FBXO11: variants seen among roughly 807,000 people sequenced by gnomAD.
FBXO11 encodes the protein F-box protein 11.
In FBXO11, 13 loss-of-function variants were observed where a neutral mutation model predicts 117.0. The observed-to-expected ratio is 0.11, with a 90% CI of 0.07 to 0.18. FBXO11 has a LOEUF of 0.18. Ranked by LOEUF, FBXO11 falls within the 10% of genes least tolerant of loss-of-function variation. The pLI is 1.00. For missense variants in FBXO11, 767 were observed against 1,164.4 expected (o/e 0.66, Z 4.97); for synonymous variants, 490 against 380.5 (o/e 1.29, Z -3.35).
At chr2:47,905,229 G>T in intron 1 of FBXO11, 1 of 243,096 alleles carries the variant, frequency 4.1e-6, no homozygotes, top group Non-Finnish European at 7.8e-6. Context: ...GGGTGGGGGT[G>T]GAGGGTGCTG....
At chr2:47,810,133 C>G (rs980500507) in intron 19 of FBXO11, 183 bp downstream of exon 19, 6 of 538,136 alleles carry the variant, frequency 1.1e-5, no homozygotes, top group African/African-American at 9.7e-5. Context: ...TCTTAGGAGT[C>G]TGGCTTAGAG....
intron 1 of FBXO11, among the ~76,000 whole-genome samples, chr2:47,887,238 T>C (rs554237618): frequency 1.1e-4 from 16 of 150,458 alleles, no homozygotes; most frequent in African/African-American, 2.0e-4. Context: ...TGAGCTGAGA[T>C]TGTGCCATCG....
chr2:47,861,018 G>C (rs1023530102), intron 1 of FBXO11, among the ~76,000 whole-genome samples: 1 of 151,652 alleles, frequency 6.6e-6, no homozygotes, highest in Non-Finnish European at 1.5e-5. Flanking sequence ...GTCCAGCTAA[G>C]TTTGTATTTT....
In FBXO11 at chr2:47,807,732, A is replaced by G. The variant is rs1359490730; in HGVS notation, c.*386T>C. On this transcript the variant is annotated 3_prime_UTR_variant, in exon 23 of 23. Transcript: ENST00000403359. ...ACATTTTTACCATATTACAAAAGCAATTGGTACCCATGTCCATAAAGGCAG... is the reference window on the plus strand; with the variant it reads ...ACATTTTTACCATATTACAAAAGCAGTTGGTACCCATGTCCATAAAGGCAG... The G allele has an allele frequency of 1.3e-5, 3 of 238,612 alleles. No individual in the cohort carries two copies. The highest frequency in any genetic ancestry group is 2.5e-5 in the Non-Finnish European group (3 of 120,760). The allele number at this position is 238,612 out of a possible 1,614,324, so 14.8% of individuals were successfully genotyped here.
chr2:47,864,827 C>A (rs1296893781), intron 1 of FBXO11, among the ~76,000 whole-genome samples: 1 of 152,152 alleles, frequency 6.6e-6, no homozygotes, highest in Non-Finnish European at 1.5e-5. Flanking sequence ...AAATTTACTT[C>A]TACTAAATGA....
chr2:47,898,794 C>T (rs928139185), intron 1 of FBXO11, among the ~76,000 whole-genome samples: 15 of 152,242 alleles, frequency 9.9e-5, no homozygotes, highest in African/African-American at 3.4e-4. Flanking sequence ...GTTATTGCAT[C>T]CCCTGAAAGT....
At chr2:47,889,085 T>C (rs888477927) in intron 1 of FBXO11, among the ~76,000 whole-genome samples, 1 of 152,212 alleles carries the variant, frequency 6.6e-6, no homozygotes, top group Non-Finnish European at 1.5e-5. Flanking sequence ...AGTACTTTTT[T>C]TTATAAGTTA....
At chr2:47,809,754 T>G (rs760880929) in intron 19 of FBXO11, 47 bp from the exon 20 acceptor site, 118 of 1,279,080 alleles carry the variant, frequency 9.2e-5, no homozygotes, top group Non-Finnish European at 1.2e-4. Context: ...TTATACTGCT[T>G]CTTAAAAACC....
chr2:47,834,124 C>G (rs1672379734), intron 7 of FBXO11, among the ~76,000 whole-genome samples: 1 of 152,162 alleles, frequency 6.6e-6, no homozygotes, highest in East Asian at 1.9e-4. Flanking sequence ...CCGAGATGGG[C>G]AAATCACTTG....
intron 11 of FBXO11, among the ~76,000 whole-genome samples, chr2:47,828,136 T>G (rs911573934): frequency 6.6e-6 from 1 of 152,154 alleles, no homozygotes; most frequent in South Asian, 2.1e-4. Flanking sequence ...TGTGCCACCA[T>G]GCCCAGCTAA....
intron 1 of FBXO11, among the ~76,000 whole-genome samples, chr2:47,856,267 C>T (rs1478426994): frequency 6.6e-6 from 1 of 152,140 alleles, no homozygotes; most frequent in African/African-American, 2.4e-5. Flanking sequence ...TCCAGACACA[C>T]AGAGACTTAT....
intron 11 of FBXO11, among the ~76,000 whole-genome samples, chr2:47,829,829 T>C (rs1039474882): frequency 4.6e-5 from 7 of 152,132 alleles, no homozygotes; most frequent in African/African-American, 1.7e-4. Flanking sequence ...GTATGAGGTA[T>C]ACATTAAACA....
At chr2:47,905,380 A>G in intron 1 of FBXO11, 109 bp downstream of exon 1, 1 of 1,043,578 alleles carries the variant, frequency 9.6e-7, no homozygotes, top group Non-Finnish European at 1.2e-6. Context: ...TGGGTCTCCC[A>G]CCCCCAGGGC....
At chr2:47,852,060 TG>T (rs1572846296) in intron 1 of FBXO11, among the ~76,000 whole-genome samples, 1 of 151,844 alleles carries the variant, frequency 6.6e-6, no homozygotes, top group East Asian at 1.9e-4. Context: ...GGCACTATCT[TG>T]GCTCACTGCA....
chr2:47,889,306 T>C (rs916694556), intron 1 of FBXO11, among the ~76,000 whole-genome samples: 19 of 152,330 alleles, frequency 1.2e-4, no homozygotes, highest in Non-Finnish European at 1.6e-4. Context: ...TAGAACCATG[T>C]AGACTATTCC....
intron 1 of FBXO11, among the ~76,000 whole-genome samples, chr2:47,891,031 T>C (rs1179289507): frequency 6.6e-6 from 1 of 151,534 alleles, no homozygotes; most frequent in Non-Finnish European, 1.5e-5. Context: ...CCTATGTTGC[T>C]CAGACTAGTA....
At position 47,834,586 on chromosome 2, in the gene FBXO11, A is replaced by C. The variant is rs768503751; in HGVS notation, c.927T>G (p.Ile309Met). Residue 309 changes from isoleucine to methionine, a missense_variant, in exon 7 of 23, where the codon ATT becomes ATG. Coordinates refer to ENST00000403359, the MANE Select transcript of FBXO11 (RefSeq NM_001190274.2). The part of the protein sequence containing the change: ...WIYIESPITM[I>M]GAAPGKVADK... ...CAATGCATTTCAAAATACCTGCACCAATCATGGTGATTGGAGATTCAATAT... is the reference window on the plus strand; with the variant it reads ...CAATGCATTTCAAAATACCTGCACCCATCATGGTGATTGGAGATTCAATAT... 3.4e-5 allele frequency: 53 copies of C among 1,572,652 alleles called. No homozygotes were observed. The highest frequency in any genetic ancestry group is 4.5e-5 in the Non-Finnish European group (52 of 1,164,026).
chr2:47,860,884 T>C (rs1215761303), intron 1 of FBXO11, among the ~76,000 whole-genome samples: 3 of 149,974 alleles, frequency 2.0e-5, no homozygotes, highest in African/African-American at 4.9e-5. Context: ...TTCACTCTCG[T>C]TGCCCAGGCT....
intron 1 of FBXO11, among the ~76,000 whole-genome samples, chr2:47,866,697 C>A (rs186005745): frequency 6.6e-6 from 1 of 152,100 alleles, no homozygotes; most frequent in African/African-American, 2.4e-5. Flanking sequence ...TGGTCTCGAT[C>A]TCCTGACCTC....
Sources: allele counts gnomAD v4.1 joint callset (sites outside exome capture counted in the v4.1 genomes callset), GRCh38; gene constraint gnomAD v4.1.1; transcripts MANE v1.5; gene names NCBI Gene and HGNC (gene_info 2026-07-23, HGNC 2026-07-21).